Variants in NUBPL observed in about 807,000 individuals in gnomAD.
The protein encoded by NUBPL is iron-sulfur cluster transfer protein NUBPL.
In NUBPL, 31 loss-of-function variants were observed where a neutral mutation model predicts 45.7. The observed-to-expected ratio is 0.68, with a 90% CI of 0.51 to 0.92. NUBPL has a LOEUF of 0.92. Among genes scored for constraint, NUBPL ranks in the 40% least tolerant of loss-of-function variants. The pLI is 0.00. For missense variants in NUBPL, 401 were observed against 398.7 expected (o/e 1.01, Z -0.05); for synonymous variants, 144 against 140.9 (o/e 1.02, Z -0.15).
At chr14:31,602,730 A>T (rs2139570088) in intron 4 of NUBPL, among the ~76,000 whole-genome samples, 1 of 152,276 alleles carries the variant, frequency 6.6e-6, no homozygotes, top group Non-Finnish European at 1.5e-5. Flanking sequence ...AAAATGGTAG[A>T]TCCTCATTAT....
chr14:31,635,932 A>C (rs1402370366), intron 4 of NUBPL, among the ~76,000 whole-genome samples: 1 of 152,146 alleles, frequency 6.6e-6, no homozygotes, highest in Admixed American at 6.6e-5. Flanking sequence ...ATTTTTGTAC[A>C]TTGATTTTGT....
intron 4 of NUBPL, among the ~76,000 whole-genome samples, chr14:31,657,242 C>G (rs748098438): frequency 3.3e-5 from 5 of 152,164 alleles, no homozygotes; most frequent in Non-Finnish European, 7.3e-5. Context: ...TCATTGATGA[C>G]TGTGCTTTTT....
intron 4 of NUBPL, among the ~76,000 whole-genome samples, chr14:31,604,345 G>C (rs969949100): frequency 6.6e-6 from 1 of 151,938 alleles, no homozygotes; most frequent in Non-Finnish European, 1.5e-5. Flanking sequence ...TCTACTAATT[G>C]GTATCATTCT....
intron 4 of NUBPL, among the ~76,000 whole-genome samples, chr14:31,599,831 A>G (rs1420221454): frequency 6.6e-6 from 1 of 152,190 alleles, no homozygotes; most frequent in Admixed American, 6.5e-5. Flanking sequence ...ATGCAATTCA[A>G]GAGTAACCAA....
At chr14:31,580,253 A>G (rs111628635) in intron 3 of NUBPL, among the ~76,000 whole-genome samples, 2 of 152,334 alleles carry the variant, frequency 1.3e-5, no homozygotes, top group African/African-American at 4.8e-5. Flanking sequence ...AGTGTATTGG[A>G]AGAGACATAA....
chr14:31,598,036 T>TATACCACC (rs760795640), intron 3 of NUBPL, among the ~76,000 whole-genome samples: 21 of 152,284 alleles, frequency 1.4e-4, no homozygotes, highest in Middle Eastern at 6.8e-3. Context: ...TTAAATTTTA[T>TATACCACC]ATACCACCAT....
chr14:31,837,129 C>G (rs574224022), intron 8 of NUBPL, among the ~76,000 whole-genome samples: 1 of 152,198 alleles, frequency 6.6e-6, no homozygotes, highest in Admixed American at 6.5e-5. Flanking sequence ...AAAGACCAGC[C>G]TTGGCAATAC....
chr14:31,835,435 T>G (rs2040265759), intron 8 of NUBPL, among the ~76,000 whole-genome samples: 1 of 152,166 alleles, frequency 6.6e-6, no homozygotes, highest in Non-Finnish European at 1.5e-5. Context: ...AGAGTTTCCT[T>G]CCATCATATA....
chr14:31,628,719 G>A (rs1485407223), intron 4 of NUBPL, among the ~76,000 whole-genome samples: 1 of 152,072 alleles, frequency 6.6e-6, no homozygotes, highest in Non-Finnish European at 1.5e-5. Context: ...AATTGCATAA[G>A]GGCTTTTCTT....
chr14:31,610,144 G>A (rs892109798), intron 4 of NUBPL, among the ~76,000 whole-genome samples: 7 of 151,880 alleles, frequency 4.6e-5, no homozygotes, highest in Non-Finnish European at 1.0e-4. Context: ...TAAAAAGATT[G>A]ACAGAATTGA....
intron 6 of NUBPL, among the ~76,000 whole-genome samples, chr14:31,730,246 G>T (rs1411098791): frequency 6.6e-6 from 1 of 152,148 alleles, no homozygotes; most frequent in African/African-American, 2.4e-5. Context: ...GTTGATCATA[G>T]CTTACCAGTT....
chr14:31,731,713 C>T (rs1254783077), intron 6 of NUBPL, among the ~76,000 whole-genome samples: 1 of 152,164 alleles, frequency 6.6e-6, no homozygotes, highest in Non-Finnish European at 1.5e-5. Context: ...AGCCTAGACT[C>T]AAATAGCATT....
chr14:31,622,015 G>T (rs1472248320), intron 4 of NUBPL, among the ~76,000 whole-genome samples: 1 of 152,216 alleles, frequency 6.6e-6, no homozygotes, highest in Non-Finnish European at 1.5e-5. Flanking sequence ...TGCTGATAGT[G>T]ATATGCACAA....
chr14:31,733,960 A>G (rs1179763048), intron 6 of NUBPL, among the ~76,000 whole-genome samples: 1 of 152,146 alleles, frequency 6.6e-6, no homozygotes, highest in Non-Finnish European at 1.5e-5. Flanking sequence ...GTTTGCTGAG[A>G]GTTGTTATTA....
chr14:31,627,727 C>T (rs1049229792), intron 4 of NUBPL, among the ~76,000 whole-genome samples: 15 of 143,516 alleles, frequency 1.0e-4, no homozygotes, highest in African/African-American at 3.4e-4. Flanking sequence ...GATCGTGCCA[C>T]TGCACTCCAG....
intron 4 of NUBPL, among the ~76,000 whole-genome samples, chr14:31,652,859 A>G (rs569281125): frequency 7.9e-5 from 12 of 152,308 alleles, no homozygotes; most frequent in Non-Finnish European, 1.3e-4. Flanking sequence ...CCCATATTTT[A>G]ACATAGGTTC....
intron 4 of NUBPL, among the ~76,000 whole-genome samples, chr14:31,643,005 G>A (rs1271882546): frequency 6.6e-6 from 1 of 152,034 alleles, no homozygotes; most frequent in Non-Finnish European, 1.5e-5. Context: ...TGTTGATTTT[G>A]TGTAGTGCAA....
intron 4 of NUBPL, among the ~76,000 whole-genome samples, chr14:31,633,993 G>A (rs1369961242): frequency 1.3e-5 from 2 of 151,920 alleles, no homozygotes; most frequent in Admixed American, 1.3e-4. Context: ...ATTCTGAAGG[G>A]ATATAGTGAA....
At chr14:31,723,547 AATG>A (rs2037856516) in intron 6 of NUBPL, among the ~76,000 whole-genome samples, 1 of 152,200 alleles carries the variant, frequency 6.6e-6, no homozygotes, top group South Asian at 2.1e-4. Context: ...TGACCATTTA[AATG>A]ATATTGATTC....
Sources: gnomAD v4.1 joint callset for allele counts (sites outside exome capture counted in the v4.1 genomes callset) on GRCh38, gnomAD v4.1.1 for gene constraint, MANE v1.5 for transcripts, NCBI Gene and HGNC (gene_info 2026-07-23, HGNC 2026-07-21) for gene names.